Variants in NR2F1 observed in about 807,000 individuals in gnomAD.
The protein encoded by NR2F1 is COUP transcription factor 1.
NR2F1 carries 1 observed loss-of-function variant against 37.7 expected under a neutral mutation model. The ratio of observed to expected loss-of-function variants is 0.03; its 90% CI spans 0.01 to 0.13. NR2F1 has a LOEUF of 0.13. Ranked by LOEUF, NR2F1 falls within the 10% of genes least tolerant of loss-of-function variation. The probability of loss-of-function intolerance (pLI) is 1.00; values close to 1 mark genes in which losing one functional copy is unlikely to be tolerated. For missense variants in NR2F1, 268 were observed against 578.4 expected (o/e 0.46, Z 5.50); for synonymous variants, 275 against 259.6 (o/e 1.06, Z -0.57).
At chr5:93,591,306 G>C (rs577369056) in intron 2 of NR2F1, among the ~76,000 whole-genome samples, 1 of 152,282 alleles carries the variant, frequency 6.6e-6, no homozygotes, top group Admixed American at 6.5e-5. Flanking sequence ...ACACCCCCTG[G>C]TCACCTAGCT....
Position 93,584,159 on chromosome 5 carries a change from C to T in NR2F1, c.-865C>T, listed in dbSNP as rs935344262. ...AGCCCGGCGAGGGCTCCCGCCGGGA[C>T]AGCGGCGGCGCCGCGGGCGGCCCCG... On this transcript the variant is annotated 5_prime_UTR_variant, in exon 1 of 3. Transcript: ENST00000327111. 2 of 149,468 alleles carry T rather than the reference C, an allele frequency of 1.3e-5. No individual in the cohort carries two copies. Among genetic ancestry groups the T allele is most frequent in the Non-Finnish European group, 3.0e-5 (2 of 67,086 alleles). 9.3% of individuals were successfully genotyped at this position (149,468 alleles called of 1,614,324 possible).
Position 93,594,017 on chromosome 5 carries a change from A to G in NR2F1, c.*175A>G. 3.4e-6 allele frequency: 2 copies of G among 592,234 alleles called. No individual in the cohort carries two copies. The highest frequency in any genetic ancestry group is 5.9e-6 in the Non-Finnish European group (2 of 337,710). The allele number at this position is 592,234 out of a possible 1,614,324, so 36.7% of individuals were successfully genotyped here. On this transcript the variant is annotated 3_prime_UTR_variant, in exon 3 of 3. Coordinates refer to ENST00000327111, the MANE Select transcript of NR2F1 (RefSeq NM_005654.6). ...CCAGCAGAAATACAATCCGAGCTAC[A>G]AAGCATGGGAAAAAGAGACTCTTTT...
intron 1 of NR2F1, among the ~76,000 whole-genome samples, chr5:93,586,197 C>T (rs1231875767): frequency 6.6e-6 from 1 of 152,164 alleles, no homozygotes; most frequent in Non-Finnish European, 1.5e-5. Context: ...AAGTTTGTGA[C>T]TGAACCGTGC....
intron 2 of NR2F1, among the ~76,000 whole-genome samples, chr5:93,589,946 A>G (rs2149944098): frequency 6.6e-6 from 1 of 152,324 alleles, no homozygotes; most frequent in East Asian, 1.9e-4. Context: ...TGAGAGAGGG[A>G]GTTATTCTTT....
intron 2 of NR2F1, among the ~76,000 whole-genome samples, chr5:93,590,374 T>C (rs1753310648): frequency 6.6e-6 from 1 of 152,216 alleles, no homozygotes; most frequent in Admixed American, 6.5e-5. Context: ...GTGAGGACTG[T>C]GCAGGCTGCA....
At position 93,585,119 on chromosome 5, in the gene NR2F1, C is replaced by T. The variant is rs1753206128; in HGVS notation, c.96C>T (p.Gly32=). The change falls in exon 1 of 3, where the codon GGC becomes GGT. Residue 32 remains glycine, a synonymous_variant. Coordinates refer to ENST00000327111, the MANE Select transcript of NR2F1 (RefSeq NM_005654.6). Reference sequence around the variant, plus strand: ...ACCCCGCAGCGCAGGCGGCCCGCGGCGGCGGCGGCGGCGCCGGCGAGCAGC... The same window carrying T: ...ACCCCGCAGCGCAGGCGGCCCGCGGTGGCGGCGGCGGCGCCGGCGAGCAGC... ...GPNPAAQAAR[G]GGGGAGEQQQ... 1.0e-6 allele frequency: 1 copy of T among 999,842 alleles called. No homozygotes were observed. The highest frequency in any genetic ancestry group is 1.2e-6 in the Non-Finnish European group (1 of 840,996). 61.9% of individuals were successfully genotyped at this position (999,842 alleles called of 1,614,324 possible). A position where few individuals can be genotyped will look rare whatever the true frequency, so the allele number is the denominator to read the frequency against.
rs939022618 is a variant in NR2F1 at position 93,594,091 on chromosome 5, A to C, written c.*249A>C. ...GGCGAGGAAAAACAAAACAAACAAA[A>C]AAAAGAACCTTGTGTCTGTCTGGTG... On this transcript the variant is annotated 3_prime_UTR_variant, in exon 3 of 3. Coordinates refer to ENST00000327111, the MANE Select transcript of NR2F1 (RefSeq NM_005654.6). 4.6e-5 allele frequency: 21 copies of C among 453,730 alleles called. No homozygotes were observed. Among genetic ancestry groups the C allele is most frequent in the African/African-American group, 3.6e-4 (18 of 49,912 alleles). The allele number at this position is 453,730 out of a possible 1,614,324, so 28.1% of individuals were successfully genotyped here. A position where few individuals can be genotyped will look rare whatever the true frequency, so the allele number is the denominator to read the frequency against.
At position 93,585,491 on chromosome 5, in the gene NR2F1, A is replaced by G. The variant is rs747394434; in HGVS notation, c.463+5A>G. Reference sequence around the variant, plus strand: ...AAGTGGGCATGAGGCGGGAAGGTGAATATTTCTTCTCTGCTTCTCTCCCCG... The same window carrying G: ...AAGTGGGCATGAGGCGGGAAGGTGAGTATTTCTTCTCTGCTTCTCTCCCCG... On this transcript the variant is annotated splice_donor_5th_base_variant and intron_variant, in intron 1 of 2. Transcript: ENST00000327111. 1.9e-6 allele frequency: 3 copies of G among 1,605,018 alleles called. No individual in the cohort carries two copies. In the African/African-American group the frequency reaches 4.0e-5, roughly 21 times the overall value.
At chr5:93,592,300 A>G (rs1580362602) in intron 2 of NR2F1, 1 of 152,234 alleles carries the variant, frequency 6.6e-6, no homozygotes, top group Middle Eastern at 3.4e-3. Flanking sequence ...AGATCTATAT[A>G]TTAGCAAATT....
In NR2F1 at chr5:93,593,768, G is replaced by A; in HGVS notation, c.1198G>A (p.Glu400Lys). The A allele has an allele frequency of 6.2e-7, 1 of 1,614,198 alleles. No individual in the cohort carries two copies. Among genetic ancestry groups the A allele is most frequent in the Non-Finnish European group, 8.5e-7 (1 of 1,180,046 alleles). Residue 400 changes from glutamate to lysine, a missense_variant, in exon 3 of 3, where the codon GAA becomes AAA. This residue lies in a region of NR2F1 where 99 missense variants were observed against 191.9 expected (regional missense o/e 0.52). Coordinates refer to ENST00000327111, the MANE Select transcript of NR2F1 (RefSeq NM_005654.6). The surrounding 1 kb of genome is among the most constrained non-coding windows in gnomAD (Gnocchi z 5.6). ...FVRLVGKTPI[E>K]TLIRDMLLSG... ...CCGTTTGGTAGGTAAAACCCCCATCGAAACTCTCATCCGCGATATGTTACT... is the reference window on the plus strand; with the variant it reads ...CCGTTTGGTAGGTAAAACCCCCATCAAAACTCTCATCCGCGATATGTTACT...
Position 93,584,970 on chromosome 5 carries a change from C to T in NR2F1, c.-54C>T. 1 of 888,882 alleles carries T rather than the reference C, an allele frequency of 1.1e-6. No homozygotes were observed. Among genetic ancestry groups the T allele is most frequent in the Non-Finnish European group, 1.3e-6 (1 of 742,428 alleles). 55.1% of individuals were successfully genotyped at this position (888,882 alleles called of 1,614,324 possible). A position where few individuals can be genotyped will look rare whatever the true frequency, so the allele number is the denominator to read the frequency against. ...CCCCTCCCAGCGCGCCCGCGCGCCCCGCGGCCCTCGGCGAGCAGCTCGGCT... is the reference window on the plus strand; with the variant it reads ...CCCCTCCCAGCGCGCCCGCGCGCCCTGCGGCCCTCGGCGAGCAGCTCGGCT... On this transcript the variant is annotated 5_prime_UTR_variant, in exon 1 of 3. Coordinates refer to ENST00000327111, the MANE Select transcript of NR2F1 (RefSeq NM_005654.6).
rs371572945 is a variant in NR2F1, at chr5:93,592,491, GATATA to G, written c.992-1063_992-1059del. ...TCCCTATGCTTGCCTCTAGTTAGTT[GATATA>G]ATATAATCTGCTGTCCTGAAATACT... On this transcript the variant is annotated intron_variant, in intron 2 of 2. Transcript: ENST00000327111. Among the ~76,000 whole-genome samples the G allele has an allele frequency of 3.7e-4, 56 of 152,006 alleles. No homozygotes were observed. In the East Asian group the frequency reaches 0.01, roughly 28 times the overall value.
chr5:93,584,999 C>T lies in NR2F1; in HGVS notation c.-25C>T. 8 of 992,500 alleles carry T rather than the reference C, an allele frequency of 8.1e-6. No individual in the cohort carries two copies. Among genetic ancestry groups the T allele is most frequent in the Non-Finnish European group, 9.6e-6 (8 of 834,496 alleles). 61.5% of individuals were successfully genotyped at this position (992,500 alleles called of 1,614,324 possible). A position where few individuals can be genotyped will look rare whatever the true frequency, so the allele number is the denominator to read the frequency against. On this transcript the variant is annotated 5_prime_UTR_variant, in exon 1 of 3. Transcript: ENST00000327111. ...GCCCTCGGCGAGCAGCTCGGCTCCCCCCAGCGCTCCCCGGGCCCAAAGATA... is the reference window on the plus strand; with the variant it reads ...GCCCTCGGCGAGCAGCTCGGCTCCCTCCAGCGCTCCCCGGGCCCAAAGATA...
At chr5:93,587,593 T>C in intron 1 of NR2F1, 2 of 301,188 alleles carry the variant, frequency 6.6e-6, no homozygotes, top group Non-Finnish European at 6.1e-6. Flanking sequence ...TTCATTTATC[T>C]GTGTGTTCCC....
chr5:93,585,091 C>A lies in NR2F1; in HGVS notation c.68C>A (p.Pro23His). 9.9e-7 allele frequency: 1 copy of A among 1,010,570 alleles called. No homozygotes were observed. 62.6% of individuals were successfully genotyped at this position (1,010,570 alleles called of 1,614,324 possible). Residue 23 changes from proline (P) to histidine (H), a missense_variant, in exon 1 of 3, where the codon CCC becomes CAC. By Grantham distance (77) the Pro-to-His change is moderately conservative. This residue lies in a region of NR2F1 where 90 missense variants were observed against 106.5 expected (regional missense o/e 0.85). Coordinates refer to ENST00000327111, the MANE Select transcript of NR2F1 (RefSeq NM_005654.6). The part of the protein sequence containing the change: ...DDVAGGNPGG[P>H]NPAAQAARGG... Reference sequence around the variant, plus strand: ...GTGGCCGGGGGCAACCCCGGCGGCCCCAACCCCGCAGCGCAGGCGGCCCGC... The same window carrying A: ...GTGGCCGGGGGCAACCCCGGCGGCCACAACCCCGCAGCGCAGGCGGCCCGC...
chr5:93,586,088 G>T (rs1753227989), intron 1 of NR2F1, among the ~76,000 whole-genome samples: 1 of 152,124 alleles, frequency 6.6e-6, no homozygotes, highest in South Asian at 2.1e-4. Flanking sequence ...GGGGAAGGGG[G>T]GCTTCTGGCC....
In NR2F1 at chr5:93,593,924, C is replaced by CA; in HGVS notation, c.*83dup. ...GCCAAGGACTCCAAAGCCGCGGGGA[C>CA]ACCGGGAAGTGCAGCGGGCCAGGCA... On this transcript the variant is annotated 3_prime_UTR_variant, in exon 3 of 3. Transcript: ENST00000327111. The surrounding 1 kb of genome is among the most constrained non-coding windows in gnomAD (Gnocchi z 5.6). 1 of 1,416,092 alleles carries CA rather than the reference C, an allele frequency of 7.1e-7. No individual in the cohort carries two copies. The highest frequency in any genetic ancestry group is 9.7e-7 in the Non-Finnish European group (1 of 1,032,658). 87.7% of individuals were successfully genotyped at this position (1,416,092 alleles called of 1,614,324 possible).
intron 2 of NR2F1, among the ~76,000 whole-genome samples, chr5:93,588,811 GTCTC>G (rs1224057478): frequency 2.0e-5 from 3 of 151,728 alleles, no homozygotes; most frequent in Admixed American, 6.5e-5. Context: ...GTGTGTGTGT[GTCTC>G]TGTGTGTGTG....
chr5:93,583,869 C>T lies in NR2F1; in HGVS notation c.-1155C>T, dbSNP rs1465417904. On this transcript the variant is annotated 5_prime_UTR_variant, in exon 1 of 3. Transcript: ENST00000327111. ...TTTCTATTTCGCTGTGATTTCGTCG[C>T]CGGCGTGAATTATCCCGTATTTTTC... 1 of 152,444 alleles carries T rather than the reference C, an allele frequency of 6.6e-6. No homozygotes were observed. Among genetic ancestry groups the T allele is most frequent in the East Asian group, 1.9e-4 (1 of 5,194 alleles). 9.4% of individuals were successfully genotyped at this position (152,444 alleles called of 1,614,324 possible).
Sources: allele counts gnomAD v4.1 joint callset (sites outside exome capture counted in the v4.1 genomes callset), GRCh38; gene constraint gnomAD v4.1.1; regional missense constraint gnomAD v4.1.1; non-coding constraint Gnocchi (gnomAD v3.1); transcripts MANE v1.5; gene names NCBI Gene and HGNC (gene_info 2026-07-23, HGNC 2026-07-21).